Variants in ARHGEF1 observed in about 807,000 individuals in gnomAD.
The protein encoded by ARHGEF1 is Rho guanine nucleotide exchange factor 1.
A neutral mutation model predicts 119.7 loss-of-function variants in ARHGEF1; 40 were observed. That is an observed-to-expected ratio of 0.33 (90% CI 0.26 to 0.44). The LOEUF (loss-of-function observed/expected upper bound fraction) is 0.44. Among genes scored for constraint, ARHGEF1 ranks in the 20% least tolerant of loss-of-function variants. The pLI, the probability that ARHGEF1 is intolerant of heterozygous loss-of-function variation, is 1.00. For synonymous variants in ARHGEF1, 494 were observed against 521.0 expected (o/e 0.95, Z 0.71); for missense variants, 976 against 1,268.3 (o/e 0.77, Z 3.50).
intron 9 of ARHGEF1, 34 bp from the exon 10 acceptor site, chr19:41,894,417 G>T (rs557324472): frequency 6.5e-7 from 1 of 1,536,628 alleles, no homozygotes; most frequent in Non-Finnish European, 8.8e-7. Flanking sequence ...TCTCAGAGAT[G>T]CTTAGCCTGG....
rs1479110409 is a variant in ARHGEF1, at chr19:41,916,743, C to T, written c.1866-6349C>T. Among the ~76,000 whole-genome samples the T allele has an allele frequency of 6.6e-6, 1 of 152,024 alleles. No individual in the cohort carries two copies. The highest frequency in any genetic ancestry group is 1.5e-5 in the Non-Finnish European group (1 of 68,002). ...GCCGTAGAGATACACACACCAGCAC[C>T]AACCCAGACAGCCAACGCACACGGC... On this transcript the variant is annotated intron_variant, in intron 18 of 20. Transcript: ENST00000599589. The surrounding 1 kb of genome is among the most constrained non-coding windows in gnomAD (Gnocchi z 5.4).
At chr19:41,885,396 C>G (rs1332189336) in intron 1 of ARHGEF1, among the ~76,000 whole-genome samples, 1 of 152,210 alleles carries the variant, frequency 6.6e-6, no homozygotes, top group Non-Finnish European at 1.5e-5. Flanking sequence ...ATTTTAGTTT[C>G]TGAAGGGTAG....
intron 13 of ARHGEF1, chr19:41,897,729 C>A: frequency 2.2e-6 from 1 of 464,432 alleles, no homozygotes; most frequent in Non-Finnish European, 3.7e-6. Context: ...CTCTCCCTGT[C>A]TCTGTCCCTG....
chr19:41,903,230 T>G lies in ARHGEF1; in HGVS notation c.1739-77T>G. On this transcript the variant is annotated intron_variant, in intron 18 of 28. Transcript: ENST00000354532. The surrounding 1 kb of genome is among the most constrained non-coding windows in gnomAD (Gnocchi z 4.2). ...AGCCACCATGCCCGGCCAGCTGTCC[T>G]TTGTCTAACCTTGGCTGCCCAATCT... The G allele has an allele frequency of 7.3e-7, 1 of 1,374,646 alleles. No individual in the cohort carries two copies. Among genetic ancestry groups the G allele is most frequent in the Admixed American group, 1.8e-5 (1 of 55,820 alleles). The allele number at this position is 1,374,646 out of a possible 1,614,324, so 85.2% of individuals were successfully genotyped here.
chr19:41,903,266 G>T lies in ARHGEF1; in HGVS notation c.1739-41G>T. 6.3e-7 allele frequency: 1 copy of T among 1,586,778 alleles called. No individual in the cohort carries two copies. The highest frequency in any genetic ancestry group is 2.2e-5 in the East Asian group (1 of 44,664). ...TTGGCTGCCCAATCTGGAGCCTCCA[G>T]GGCAGGGGTTCACCAGAGCTGCTCT... On this transcript the variant is annotated intron_variant, in intron 18 of 28. Transcript: ENST00000354532. This position sits in a 1 kb window ranked among gnomAD's most constrained non-coding sequence, Gnocchi z 4.2.
intron 1 of ARHGEF1, chr19:41,928,477 T>C (rs2074885568): frequency 6.4e-6 from 1 of 155,430 alleles, no homozygotes; most frequent in African/African-American, 2.4e-5. Context: ...CTCTTCCTCC[T>C]CTTCCTCCTG....
At chr19:41,922,911 C>G (rs545333125), upstream of ARHGEF1, among the ~76,000 whole-genome samples, 1 of 152,192 alleles carries the variant, frequency 6.6e-6, no homozygotes, top group South Asian at 2.1e-4. Flanking sequence ...CAGGCCTGGG[C>G]TGGAGGGGAT....
At chr19:41,909,118 C>T (rs986150819), downstream of ARHGEF1, 3 of 1,231,812 alleles carry the variant, frequency 2.4e-6, no homozygotes, top group African/African-American at 1.6e-5. This position sits in a 1 kb window ranked among gnomAD's most constrained non-coding sequence, Gnocchi z 5.2. Flanking sequence ...CGGAGGTGAA[C>T]AGGGGTGTCC....
rs1555847372 is a variant in ARHGEF1 at position 41,895,424 on chromosome 19, G to T, written c.953G>T (p.Gly318Val). Residue 318 changes from glycine (G) to valine (V), a missense_variant, in exon 12 of 29, where the codon GGG becomes GTG. By Grantham distance (109) the Gly-to-Val change is moderately radical (BLOSUM62 -3). This residue lies in a region of ARHGEF1 where 519 missense variants were observed against 580.9 expected (regional missense o/e 0.89). Transcript: ENST00000354532. ...PSRDRNIGAP[G>V]QDTPGVSLHP... ...CGGGACCGGAATATCGGGGCTCCTG[G>T]GCAGGACACCCCTGGAGTCTCTCTG... The T allele has an allele frequency of 3.1e-6, 5 of 1,612,724 alleles. No homozygotes were observed. In the Admixed American group the frequency reaches 8.3e-5, roughly 27 times the overall value.
At position 41,906,409 on chromosome 19, in the gene ARHGEF1, G is replaced by T; in HGVS notation, c.2492-48G>T. Reference sequence around the variant, plus strand: ...TTGGAATCCCCCATCCCAGATCCCAGCCCAGCCCCCTGGTCTCCTGACTCC... The same window carrying T: ...TTGGAATCCCCCATCCCAGATCCCATCCCAGCCCCCTGGTCTCCTGACTCC... On this transcript the variant is annotated intron_variant, in intron 26 of 28. Transcript: ENST00000354532. This position sits in a 1 kb window ranked among gnomAD's most constrained non-coding sequence, Gnocchi z 4.5. 3.3e-6 allele frequency: 5 copies of T among 1,511,936 alleles called. No homozygotes were observed. The highest frequency in any genetic ancestry group is 4.4e-6 in the Non-Finnish European group (5 of 1,132,608). 93.7% of individuals were successfully genotyped at this position (1,511,936 alleles called of 1,614,324 possible).
chr19:41,887,533 G>A (rs563477566), intron 1 of ARHGEF1, among the ~76,000 whole-genome samples: 1 of 152,222 alleles, frequency 6.6e-6, no homozygotes, highest in East Asian at 1.9e-4. Flanking sequence ...TATGTGGAGA[G>A]TTGGGGGTTG....
chr19:41,893,054 T>C, intron 7 of ARHGEF1: 1 of 1,034,610 alleles, frequency 9.7e-7, no homozygotes, highest in Non-Finnish European at 1.4e-6. Flanking sequence ...TCCCTTGTCA[T>C]TTCTGGGTCT....
rs148445682 is a variant in ARHGEF1 at position 41,906,510 on chromosome 19, C to A, written c.2545C>A (p.Pro849Thr). ...FPAEEDNGAG[P>T]PRDGDGVPGG... Reference sequence around the variant, plus strand: ...GGCGGAGGAAGACAATGGGGCGGGGCCTCCTCGAGATGGGGATGGGGTCCC... The same window carrying A: ...GGCGGAGGAAGACAATGGGGCGGGGACTCCTCGAGATGGGGATGGGGTCCC... The change falls in exon 27 of 29, where the codon CCT becomes ACT. Residue 849 changes from proline to threonine, a missense_variant. Pro to Thr is a conservative substitution (Grantham distance 38, BLOSUM62 -1). This residue lies in a region of ARHGEF1 where 171 missense variants were observed against 180.6 expected (regional missense o/e 0.95). Coordinates refer to ENST00000354532, the MANE Select transcript of ARHGEF1 (RefSeq NM_004706.4). The surrounding 1 kb of genome is among the most constrained non-coding windows in gnomAD (Gnocchi z 4.5). 1.3e-5 allele frequency: 20 copies of A among 1,583,574 alleles called. No individual in the cohort carries two copies. In the African/African-American group the frequency reaches 2.8e-4, roughly 22 times the overall value.
intron 1 of ARHGEF1, among the ~76,000 whole-genome samples, chr19:41,927,150 GC>G: frequency 6.6e-6 from 1 of 152,270 alleles, no homozygotes; most frequent in East Asian, 1.9e-4. Context: ...ACACAGAGAT[GC>G]TGTGAGAGAC....
At chr19:41,913,208 C>G (rs1035794878) in intron 18 of ARHGEF1, among the ~76,000 whole-genome samples, 2 of 151,872 alleles carry the variant, frequency 1.3e-5, no homozygotes, top group Non-Finnish European at 2.9e-5. Context: ...CCGCTCCCAG[C>G]CTCCCTCCCC....
chr19:41,895,625 TCCTGGTCAC>T (rs2074472293), intron 12 of ARHGEF1, 139 bp downstream of exon 12: 1 of 931,372 alleles, frequency 1.1e-6, no homozygotes, highest in Non-Finnish European at 1.6e-6. Flanking sequence ...TTCTCCCTGC[TCCTGGTCAC>T]CACTGTCATT....
At chr19:41,909,613 A>G (rs2074741301), downstream of ARHGEF1, 2 of 848,654 alleles carry the variant, frequency 2.4e-6, no homozygotes, top group Non-Finnish European at 3.5e-6. The surrounding 1 kb of genome is among the most constrained non-coding windows in gnomAD (Gnocchi z 5.2). Flanking sequence ...AAGTCCCTTA[A>G]TAGGGATCAC....
chr19:41,892,716 C>T lies in ARHGEF1; in HGVS notation c.481C>T (p.Arg161Trp), dbSNP rs1555846523. ...GRQLEDFRSK[R>W]LMGMTPWEQE... Reference sequence around the variant, plus strand: ...GCAGCTGGAGGACTTCCGTTCCAAGCGGCTCATGGGCATGACGCCCTGGGA... The same window carrying T: ...GCAGCTGGAGGACTTCCGTTCCAAGTGGCTCATGGGCATGACGCCCTGGGA... Residue 161 changes from arginine (R) to tryptophan (W), a missense_variant, in exon 7 of 29, where the codon CGG (arginine) becomes TGG (tryptophan). Transcript: ENST00000354532. This position sits in a 1 kb window ranked among gnomAD's most constrained non-coding sequence, Gnocchi z 6.3. The T allele has an allele frequency of 6.8e-6, 11 of 1,613,074 alleles. No homozygotes were observed. Among genetic ancestry groups the T allele is most frequent in the African/African-American group, 2.7e-5 (2 of 74,926 alleles).
At position 41,903,092 on chromosome 19, in the gene ARHGEF1, A is replaced by C. The variant is rs2074631391; in HGVS notation, c.1738+194A>C. On this transcript the variant is annotated intron_variant, in intron 18 of 28. Transcript: ENST00000354532. This position sits in a 1 kb window ranked among gnomAD's most constrained non-coding sequence, Gnocchi z 4.2. ...ACCACCATGCCCAGCTAATTTTTTT[A>C]GTTTTTTTTTTTAGAGACGGGGTCT... is the stretch of plus-strand genomic sequence containing the variant. Among the ~76,000 whole-genome samples the C allele has an allele frequency of 6.7e-6, 1 of 148,772 alleles. No homozygotes were observed. Among genetic ancestry groups the C allele is most frequent in the African/African-American group, 2.6e-5 (1 of 39,010 alleles).
Sources: allele counts gnomAD v4.1 joint callset (sites outside exome capture counted in the v4.1 genomes callset), GRCh38; gene constraint gnomAD v4.1.1; regional missense constraint gnomAD v4.1.1; non-coding constraint Gnocchi (gnomAD v3.1); transcripts MANE v1.5; gene names NCBI Gene and HGNC (gene_info 2026-07-23, HGNC 2026-07-21).